The following PBX4 variants were observed in gnomAD, a reference collection of about 807,000 sequenced individuals.
PBX4 encodes PBX homeobox 4.
In PBX4, 26 loss-of-function variants were observed where a neutral mutation model predicts 35.1. The observed-to-expected ratio is 0.74, with a 90% CI of 0.54 to 1.03. PBX4 has a LOEUF of 1.03. Among genes scored for constraint, PBX4 ranks in the 50% least tolerant of loss-of-function variants. PBX4 has a pLI of 0.00. For synonymous variants in PBX4, 199 were observed against 204.2 expected (o/e 0.97, Z 0.22); for missense variants, 448 against 504.3 (o/e 0.89, Z 1.07).
At chr19:19,584,098 T>G (rs2061473779) in intron 2 of PBX4, among the ~76,000 whole-genome samples, 1 of 151,394 alleles carries the variant, frequency 6.6e-6, no homozygotes, top group Non-Finnish European at 1.5e-5. Context: ...ATTAGCTGGG[T>G]GTAGTGGTGC....
chr19:19,571,278 G>A (rs373792065), intron 2 of PBX4, among the ~76,000 whole-genome samples: 1 of 152,200 alleles, frequency 6.6e-6, no homozygotes, highest in East Asian at 1.9e-4. Context: ...CCAGGACTGT[G>A]CAGCTGTAGG....
chr19:19,590,333 T>G (rs1053274951), intron 2 of PBX4, among the ~76,000 whole-genome samples: 12 of 152,152 alleles, frequency 7.9e-5, no homozygotes, highest in Admixed American at 4.0e-4. Flanking sequence ...ATGTGACACT[T>G]CACATCTGGC....
At chr19:19,594,451 G>A (rs189004367) in intron 2 of PBX4, among the ~76,000 whole-genome samples, 71 of 152,000 alleles carry the variant, frequency 4.7e-4, no homozygotes, top group Non-Finnish European at 7.6e-4. Context: ...GCAGATGGGG[G>A]TAGGGAGGTG....
chr19:19,607,541 G>A (rs944486691), intron 1 of PBX4, among the ~76,000 whole-genome samples: 1 of 152,088 alleles, frequency 6.6e-6, no homozygotes, highest in Non-Finnish European at 1.5e-5. Flanking sequence ...ACAATTGAGA[G>A]TCATATAGAA....
chr19:19,570,797 G>T lies in PBX4; in HGVS notation c.230C>A (p.Pro77His). ...SIRGIQDEDP[P>H]DAQLLRLDNM... ...ATCCAGCCTCAGGAGCTGGGCGTCA[G>T]GGGGATCTTCGTCTTGAATGCCACG... Residue 77 changes from proline (P) to histidine (H), a missense_variant, in exon 3 of 8, where the codon CCT becomes CAT. Coordinates refer to ENST00000251203, the MANE Select transcript of PBX4 (RefSeq NM_025245.3). 6.2e-7 allele frequency: 1 copy of T among 1,614,126 alleles called. No homozygotes were observed. The highest frequency in any genetic ancestry group is 2.2e-5 in the East Asian group (1 of 44,874).
At chr19:19,592,569 T>A (rs2144757537) in intron 2 of PBX4, among the ~76,000 whole-genome samples, 1 of 152,264 alleles carries the variant, frequency 6.6e-6, no homozygotes, top group South Asian at 2.1e-4. Context: ...GATGCCAGGT[T>A]TACATGGAGG....
At chr19:19,574,085 C>T (rs1355486326) in intron 2 of PBX4, among the ~76,000 whole-genome samples, 2 of 152,158 alleles carry the variant, frequency 1.3e-5, no homozygotes, top group Non-Finnish European at 2.9e-5. Flanking sequence ...CCATGTTGCC[C>T]AGGCTAGTCT....
At chr19:19,582,371 T>C (rs1462595117) in intron 2 of PBX4, among the ~76,000 whole-genome samples, 2 of 152,110 alleles carry the variant, frequency 1.3e-5, no homozygotes, top group Non-Finnish European at 2.9e-5. Flanking sequence ...CCTGAGACCT[T>C]AAGCAGACAC....
At chr19:19,589,188 A>G (rs1183718683) in intron 2 of PBX4, among the ~76,000 whole-genome samples, 3 of 152,122 alleles carry the variant, frequency 2.0e-5, no homozygotes, top group Non-Finnish European at 4.4e-5. Flanking sequence ...CAGCACGTTG[A>G]GAGGTCGAGG....
rs201152132 is a variant in PBX4 at position 19,571,035 on chromosome 19, C to T, written c.194-202G>A. 3.9e-5 allele frequency among the ~76,000 whole-genome samples: 6 copies of T among 152,324 alleles called. No homozygotes were observed. The East Asian group carries it at 5.8e-4, about 15-fold the overall frequency. On this transcript the variant is annotated intron_variant, in intron 2 of 7. Coordinates refer to ENST00000251203, the MANE Select transcript of PBX4 (RefSeq NM_025245.3). ...ATGGGTCCAAGTGCCATCCTTAGAG[C>T]GCAGTCTGGGGAGGAACGGGGAGAC...
At chr19:19,603,431 C>T (rs2061609572) in intron 1 of PBX4, among the ~76,000 whole-genome samples, 1 of 152,000 alleles carries the variant, frequency 6.6e-6, no homozygotes, top group Non-Finnish European at 1.5e-5. Context: ...CCTGCGGCCT[C>T]CAGAGTAGCT....
chr19:19,609,723 T>C (rs1046594046), intron 1 of PBX4, among the ~76,000 whole-genome samples: 17 of 151,580 alleles, frequency 1.1e-4, no homozygotes, highest in East Asian at 5.8e-4. Context: ...TGGTGGCGGG[T>C]GCCTGTATTC....
chr19:19,604,796 T>G (rs2061619899), intron 1 of PBX4, among the ~76,000 whole-genome samples: 1 of 151,306 alleles, frequency 6.6e-6, no homozygotes, highest in Admixed American at 6.7e-5. Context: ...TAGACAGGGT[T>G]TCATGGTATT....
chr19:19,611,458 A>G (rs2061662185), intron 1 of PBX4, among the ~76,000 whole-genome samples: 1 of 152,086 alleles, frequency 6.6e-6, no homozygotes, highest in African/African-American at 2.4e-5. Flanking sequence ...AGGCGGGCAG[A>G]TCATGAGGTC....
intron 2 of PBX4, among the ~76,000 whole-genome samples, chr19:19,591,237 CAT>C (rs1287986098): frequency 6.6e-6 from 1 of 152,138 alleles, no homozygotes; most frequent in Non-Finnish European, 1.5e-5. Flanking sequence ...AGAGGTGACT[CAT>C]AGGCCTCAGG....
intron 4 of PBX4, 27 bp from the exon 5 acceptor site, chr19:19,569,611 A>G (rs1010293169): frequency 1.2e-6 from 2 of 1,609,976 alleles, no homozygotes; most frequent in African/African-American, 1.3e-5. Context: ...CTTCGTAGGC[A>G]TTAATATGCT....
At chr19:19,572,315 C>T (rs1192170292) in intron 2 of PBX4, among the ~76,000 whole-genome samples, 6 of 151,466 alleles carry the variant, frequency 4.0e-5, no homozygotes, top group East Asian at 2.0e-4. Flanking sequence ...CCTCATGATC[C>T]GCCTGCCTTG....
chr19:19,599,406 G>C, intron 1 of PBX4, 41 bp from the exon 2 acceptor site: 1 of 1,528,958 alleles, frequency 6.5e-7, no homozygotes, highest in Non-Finnish European at 9.1e-7. Flanking sequence ...GAAAAGAATA[G>C]TCATCATCTT....
intron 1 of PBX4, among the ~76,000 whole-genome samples, chr19:19,615,165 C>CAAAAA (rs33921244): frequency 1.8e-5 from 1 of 54,156 alleles, no homozygotes; most frequent in Non-Finnish European, 3.2e-5. Flanking sequence ...ACCCTGTCTC[C>CAAAAA]AAAAAAAAAA....
Sources: gnomAD v4.1 joint callset for allele counts (sites outside exome capture counted in the v4.1 genomes callset) on GRCh38, gnomAD v4.1.1 for gene constraint, MANE v1.5 for transcripts, NCBI Gene and HGNC (gene_info 2026-07-23, HGNC 2026-07-21) for gene names.